Variants in GRHL2 observed in about 807,000 individuals in gnomAD.
GRHL2 encodes the protein grainyhead-like protein 2 homolog.
In GRHL2, 21 loss-of-function variants were observed where a neutral mutation model predicts 83.8. The observed-to-expected ratio is 0.25, with a 90% CI of 0.18 to 0.36. GRHL2 has a LOEUF of 0.36. Among genes scored for constraint, GRHL2 ranks in the 10% least tolerant of loss-of-function variants. The probability of loss-of-function intolerance (pLI) is 1.00; values close to 1 mark genes in which losing one functional copy is unlikely to be tolerated. For synonymous variants in GRHL2, 280 were observed against 278.9 expected (o/e 1.00, Z -0.04); for missense variants, 623 against 781.8 (o/e 0.80, Z 2.42).
In GRHL2 at chr8:101,649,443, G is replaced by T. The variant is rs767447359; in HGVS notation, c.1642G>T (p.Asp548Tyr). 1.6e-5 allele frequency: 26 copies of T among 1,614,010 alleles called. No homozygotes were observed. Among genetic ancestry groups the T allele is most frequent in the Non-Finnish European group, 2.1e-5 (25 of 1,179,956 alleles). Residue 548 changes from aspartate to tyrosine, a missense_variant, in exon 14 of 16, where the codon GAT (aspartate) becomes TAT (tyrosine). By Grantham distance (160) the Asp-to-Tyr change is radical. Transcript: ENST00000646743. ...VLLYVRKETD[D>Y]VFDALMLKSP... ...CTTGTACGTGAGGAAGGAGACTGAC[G>T]ATGTGTTCGATGCATTGATGTTGAA...
chr8:101,648,635 A>G (rs1767898364), intron 13 of GRHL2, among the ~76,000 whole-genome samples: 2 of 152,106 alleles, frequency 1.3e-5, no homozygotes, highest in Admixed American at 6.5e-5. Context: ...CTGGGGTCAA[A>G]CCCAGCCCCG....
intron 2 of GRHL2, among the ~76,000 whole-genome samples, chr8:101,545,022 T>A (rs1281841097): frequency 2.6e-5 from 4 of 152,214 alleles, no homozygotes; most frequent in African/African-American, 9.6e-5. Context: ...CAGGAGGGAT[T>A]CCTTCTTGGG....
chr8:101,509,824 A>AT lies in GRHL2; in HGVS notation c.20+17035_20+17036insT, dbSNP rs773704350. On this transcript the variant is annotated intron_variant, in intron 1 of 15. Transcript: ENST00000646743. ...TGTGATCCAAGCTATATCTTCTCCT[A>AT]CTTTTTTTTACAAAATGTTCTTGAA... Among the ~76,000 whole-genome samples, 840 of 151,656 alleles carry AT rather than the reference A, an allele frequency of 5.5e-3. 6 individuals carry two copies. Among genetic ancestry groups the AT allele is most frequent in the African/African-American group, 0.018 (765 of 41,460 alleles).
intron 13 of GRHL2, among the ~76,000 whole-genome samples, chr8:101,644,587 C>A (rs993567028): frequency 6.6e-6 from 1 of 152,220 alleles, no homozygotes; most frequent in African/African-American, 2.4e-5. Context: ...AACTATTCAT[C>A]TCACCCAAAT....
rs1563626701 is a variant in GRHL2, at chr8:101,652,353, T to TG, written c.1698+2855dup. On this transcript the variant is annotated intron_variant, in intron 14 of 15. Transcript: ENST00000646743. ...GTGGTGTGTGTGTATGTGTGTGGTG[T>TG]GTGTGGTGTGTGTGTGTCTGATGTG... Among the ~76,000 whole-genome samples the TG allele has an allele frequency of 7.0e-4, 63 of 89,732 alleles. 1 individual carries two copies. The highest frequency in any genetic ancestry group is 3.9e-3 in the African/African-American group (58 of 14,742). The allele number at this position is 89,732 out of a possible 152,430, so 58.9% of individuals were successfully genotyped here.
chr8:101,558,470 C>G lies in GRHL2; in HGVS notation c.336C>G (p.Asn112Lys). 1 of 1,614,112 alleles carries G rather than the reference C, an allele frequency of 6.2e-7. No individual in the cohort carries two copies. Among genetic ancestry groups the G allele is most frequent in the South Asian group, 1.1e-5 (1 of 91,070 alleles). Reference sequence around the variant, plus strand: ...AGAGTAATTTGAGTGGAGGAGAAAACCGAGTGCAAGTCCTAAAGACTGTTC... The same window carrying G: ...AGAGTAATTTGAGTGGAGGAGAAAAGCGAGTGCAAGTCCTAAAGACTGTTC... Reference protein sequence around the residue: ...EAQSNLSGGENRVQVLKTVPV... With the variant: ...EAQSNLSGGEKRVQVLKTVPV... Residue 112 changes from asparagine to lysine, a missense_variant, in exon 4 of 16, where the codon AAC becomes AAG. Around this residue, in one of 8 missense-constraint regions of GRHL2, gnomAD observed 239 missense variants for 240.5 expected, o/e 0.99. Transcript: ENST00000646743.
chr8:101,674,649 T>C (rs1036843039), downstream of GRHL2, among the ~76,000 whole-genome samples: 1 of 152,170 alleles, frequency 6.6e-6, no homozygotes, highest in Non-Finnish European at 1.5e-5. Context: ...GCTGGTACCA[T>C]TTCTTCTGAA....
intron 9 of GRHL2, among the ~76,000 whole-genome samples, chr8:101,626,751 G>A (rs141868745): frequency 5.3e-5 from 8 of 152,094 alleles, no homozygotes; most frequent in African/African-American, 1.9e-4. Flanking sequence ...ATTCTCCTCT[G>A]GAAGAACTAG....
intron 14 of GRHL2, among the ~76,000 whole-genome samples, chr8:101,661,232 C>T (rs1427671886): frequency 3.3e-5 from 5 of 152,180 alleles, no homozygotes; most frequent in Non-Finnish European, 7.3e-5. Context: ...CCAGAGAAGC[C>T]AAAAGATTGG....
chr8:101,515,022 T>TTTCCTTCCTTCCTTCCTTCCATCC (rs1242912427), intron 1 of GRHL2, among the ~76,000 whole-genome samples: 2,327 of 148,254 alleles, frequency 0.016, 79 homozygotes, highest in African/African-American at 0.056. Context: ...CCCCCTTCAT[T>TTTCCTTCCTTCCTTCCTTCCATCC]TTCCTTCCTT....
intron 12 of GRHL2, among the ~76,000 whole-genome samples, chr8:101,637,477 A>G (rs1381082980): frequency 6.6e-6 from 1 of 151,968 alleles, no homozygotes; most frequent in Non-Finnish European, 1.5e-5. Context: ...AGTCACAGAG[A>G]CTCCCAATGT....
chr8:101,605,259 T>C (rs12681226), intron 8 of GRHL2, among the ~76,000 whole-genome samples: 46,083 of 152,086 alleles, frequency 0.3, 7,345 homozygotes, highest in African/African-American at 0.39. Context: ...GATAATCTTC[T>C]TGGGCCTTTT....
intron 2 of GRHL2, among the ~76,000 whole-genome samples, chr8:101,551,686 A>G (rs1811382806): frequency 6.6e-6 from 1 of 151,006 alleles, no homozygotes; most frequent in East Asian, 1.9e-4. Flanking sequence ...ACCCAATTGA[A>G]GCCTACTTAT....
chr8:101,604,019 CAAAA>C lies in GRHL2; in HGVS notation c.1098+4881_1098+4884del, dbSNP rs541635465. ...CTTCCCCTGTTGAGTTTTTTTTTTG[CAAAA>C]AAAAAAAAAAAAGCCATAAAACAAT... On this transcript the variant is annotated intron_variant, in intron 8 of 15. Coordinates refer to ENST00000646743, the MANE Select transcript of GRHL2 (RefSeq NM_024915.4). 2.6e-3 allele frequency among the ~76,000 whole-genome samples: 243 copies of C among 91,776 alleles called. 1 individual carries two copies. Among genetic ancestry groups the C allele is most frequent in the African/African-American group, 9.0e-3 (225 of 25,014 alleles). The allele number at this position is 91,776 out of a possible 152,430, so 60.2% of individuals were successfully genotyped here.
the GRHL2 span, among the ~76,000 whole-genome samples, chr8:101,678,774 C>T: frequency 6.6e-6 from 1 of 151,784 alleles, no homozygotes; most frequent in Non-Finnish European, 1.5e-5. Flanking sequence ...GTCCTTGACC[C>T]CCAAGCAGCC....
At chr8:101,658,510 G>C (rs928432763) in intron 14 of GRHL2, among the ~76,000 whole-genome samples, 1 of 152,208 alleles carries the variant, frequency 6.6e-6, no homozygotes, top group African/African-American at 2.4e-5. Flanking sequence ...CCACATGCCT[G>C]TGTGCTGGGG....
intron 6 of GRHL2, among the ~76,000 whole-genome samples, chr8:101,574,611 G>T (rs545084340): frequency 6.6e-6 from 1 of 152,338 alleles, no homozygotes; most frequent in East Asian, 1.9e-4. Flanking sequence ...TAAGAAGGGG[G>T]CACATGGTGT....
Position 101,569,234 on chromosome 8 carries a change from C to T in GRHL2, c.679-1105C>T, listed in dbSNP as rs191494301. On this transcript the variant is annotated intron_variant, in intron 4 of 15. Transcript: ENST00000646743. Reference sequence around the variant, plus strand: ...CTACTTTTGAAAAGGTTCTAAGATGCAGCAAAGCACATCCTATATGCACTG... The same window carrying T: ...CTACTTTTGAAAAGGTTCTAAGATGTAGCAAAGCACATCCTATATGCACTG... Among the ~76,000 whole-genome samples, 101 of 152,278 alleles carry T rather than the reference C, an allele frequency of 6.6e-4. 1 individual carries two copies. Among genetic ancestry groups the T allele is most frequent in the African/African-American group, 2.3e-3 (94 of 41,542 alleles).
At chr8:101,566,167 T>C (rs1252331552) in intron 4 of GRHL2, among the ~76,000 whole-genome samples, 1 of 152,204 alleles carries the variant, frequency 6.6e-6, no homozygotes, top group Non-Finnish European at 1.5e-5. Flanking sequence ...ATGCAGTGGC[T>C]ATGGTAACAC....
Sources: gnomAD v4.1 joint callset for allele counts (sites outside exome capture counted in the v4.1 genomes callset) on GRCh38, gnomAD v4.1.1 for gene constraint, gnomAD v4.1.1 regional missense constraint, MANE v1.5 for transcripts, NCBI Gene and HGNC (gene_info 2026-07-23, HGNC 2026-07-21) for gene names.